The following NIBAN2 variants were observed in gnomAD, a reference collection of about 807,000 sequenced individuals.
NIBAN2 encodes protein Niban 2.
A neutral mutation model predicts 81.8 loss-of-function variants in NIBAN2; 36 were observed. That is an observed-to-expected ratio of 0.44 (90% CI 0.34 to 0.58). NIBAN2 has a LOEUF of 0.58. Among genes scored for constraint, NIBAN2 ranks in the 20% least tolerant of loss-of-function variants. The probability of loss-of-function intolerance (pLI) is 0.02; values close to 1 mark genes in which losing one functional copy is unlikely to be tolerated. For synonymous variants in NIBAN2, 445 were observed against 441.6 expected, an observed-to-expected ratio of 1.01 and a Z score of -0.10; for missense variants, 897 against 1,014.1, an observed-to-expected ratio of 0.88 and a Z score of 1.57.
intron 5 of NIBAN2, 152 bp downstream of exon 5, chr9:127,523,527 A>G: frequency 4.5e-6 from 3 of 665,064 alleles, no homozygotes; most frequent in South Asian, 2.1e-5. Context: ...TAAGGGTGGT[A>G]TTACATGGTT....
chr9:127,572,419 G>A (rs1042504060), upstream of NIBAN2, among the ~76,000 whole-genome samples: 1 of 152,164 alleles, frequency 6.6e-6, no homozygotes, highest in African/African-American at 2.4e-5. Flanking sequence ...CTTCATAGAG[G>A]TTATAGTCTT....
chr9:127,523,896 C>A (rs760238474), intron 4 of NIBAN2, 50 bp from the exon 5 acceptor site: 2 of 1,569,036 alleles, frequency 1.3e-6, no homozygotes, highest in Non-Finnish European at 1.7e-6. Context: ...TTGCCCTCCA[C>A]CAGAGGATGT....
chr9:127,544,867 G>T (rs1037300594), intron 1 of NIBAN2, among the ~76,000 whole-genome samples: 5 of 152,150 alleles, frequency 3.3e-5, no homozygotes, highest in African/African-American at 7.2e-5. Flanking sequence ...CCTCATTCAT[G>T]GGCCAGCCAC....
In NIBAN2 at chr9:127,507,229, G is replaced by A. The variant is rs371977104; in HGVS notation, c.1857C>T (p.Ala619=). Reference sequence around the variant, plus strand: ...CCTGGACCACAGAGACCACCTGCTTGGCGCGCCGTCGCTTTTCCGAGAGGG... The same window carrying A: ...CCTGGACCACAGAGACCACCTGCTTAGCGCGCCGTCGCTTTTCCGAGAGGG... ...SATLSEKRRR[A]KQVVSVVQDE... The change falls in exon 14 of 14, where the codon GCC becomes GCT. Residue 619 remains alanine, a synonymous_variant. Transcript: ENST00000373312. This position sits in a 1 kb window ranked among gnomAD's most constrained non-coding sequence, Gnocchi z 6.8. 141 of 1,611,870 alleles carry A rather than the reference G, an allele frequency of 8.7e-5. 1 individual carries two copies. In the South Asian group the frequency reaches 1.1e-3, roughly 13 times the overall value.
intron 9 of NIBAN2, among the ~76,000 whole-genome samples, chr9:127,509,705 G>A (rs965939619): frequency 1.3e-5 from 2 of 151,514 alleles, no homozygotes; most frequent in Non-Finnish European, 2.9e-5. Flanking sequence ...TCCATTTGGA[G>A]GGCGCGTGAC....
At position 127,551,219 on chromosome 9, in the gene NIBAN2, T is replaced by C. The variant is rs79858125; in HGVS notation, c.55+17601A>G. Among the ~76,000 whole-genome samples the C allele has an allele frequency of 8.0e-3, 1,221 of 152,078 alleles. 17 individuals are homozygous for C. Among genetic ancestry groups the C allele is most frequent in the East Asian group, 0.065 (337 of 5,164 alleles). On this transcript the variant is annotated intron_variant, in intron 1 of 13. Coordinates refer to ENST00000373312, the MANE Select transcript of NIBAN2 (RefSeq NM_022833.4). ...GCCTGGCCAACATAGTGAAACCCCG[T>C]CTCTACTAAAAATACAAAATTGGCA...
chr9:127,521,944 G>A (rs1836951196), intron 5 of NIBAN2, among the ~76,000 whole-genome samples: 1 of 152,194 alleles, frequency 6.6e-6, no homozygotes, highest in African/African-American at 2.4e-5. Context: ...CACACATGGG[G>A]GACTGAGGTG....
At chr9:127,576,470 A>C (rs1202749415) in intron 1 of NIBAN2, among the ~76,000 whole-genome samples, 1 of 152,094 alleles carries the variant, frequency 6.6e-6, no homozygotes, top group Non-Finnish European at 1.5e-5. Flanking sequence ...TAACTTCAGG[A>C]TGATAAAGAT....
chr9:127,545,040 A>C lies in NIBAN2; in HGVS notation c.56-13262T>G, dbSNP rs1837445232. The stretch of plus-strand genomic sequence containing the variant: ...GCTCCTCTGAGACCATCTTGGGGAG[A>C]AACAGGTGAATGGGGCTTTCACACC... On this transcript the variant is annotated intron_variant, in intron 1 of 13. Coordinates refer to ENST00000373312, the MANE Select transcript of NIBAN2 (RefSeq NM_022833.4). This position sits in a 1 kb window ranked among gnomAD's most constrained non-coding sequence, Gnocchi z 4.7. Among the ~76,000 whole-genome samples the C allele has an allele frequency of 6.6e-6, 1 of 152,114 alleles. No individual in the cohort carries two copies. Among genetic ancestry groups the C allele is most frequent in the African/African-American group, 2.4e-5 (1 of 41,408 alleles).
At chr9:127,531,136 C>T (rs976731994) in intron 2 of NIBAN2, among the ~76,000 whole-genome samples, 1 of 150,764 alleles carries the variant, frequency 6.6e-6, no homozygotes, top group Non-Finnish European at 1.5e-5. Flanking sequence ...GGCATGATTG[C>T]GCCACTGCAC....
chr9:127,506,941 G>A lies in NIBAN2; in HGVS notation c.2145C>T (p.Ser715=), dbSNP rs767507604. 5.6e-6 allele frequency: 9 copies of A among 1,609,492 alleles called. No individual in the cohort carries two copies. The highest frequency in any genetic ancestry group is 1.7e-5 in the Admixed American group (1 of 59,424). The change falls in exon 14 of 14, where the codon AGC becomes AGT. Residue 715 remains serine (S), a synonymous_variant. Coordinates refer to ENST00000373312, the MANE Select transcript of NIBAN2 (RefSeq NM_022833.4). ...ACACCTGCTCTCCAGTCTCCTGGTC[G>A]CTGGGCTTGGGGGGCCCAAGGTCCA... The part of the protein sequence containing the change: ...KAVDLGPPKP[S]DQETGEQVSS...
chr9:127,555,845 CTG>C (rs1205174340), intron 1 of NIBAN2, among the ~76,000 whole-genome samples: 2 of 152,224 alleles, frequency 1.3e-5, no homozygotes, highest in Non-Finnish European at 2.9e-5. Flanking sequence ...GGTAGTTGTT[CTG>C]TGTGTCTCCT....
At chr9:127,509,421 CA>C (rs1836685412) in intron 9 of NIBAN2, among the ~76,000 whole-genome samples, 1 of 152,128 alleles carries the variant, frequency 6.6e-6, no homozygotes, top group Non-Finnish European at 1.5e-5. Context: ...TGACCTTGGG[CA>C]AGTCATTCAC....
At position 127,508,632 on chromosome 9, in the gene NIBAN2, C is replaced by A. The variant is rs1293391075; in HGVS notation, c.1318-94G>T. On this transcript the variant is annotated intron_variant, in intron 10 of 13. Transcript: ENST00000373312. The surrounding 1 kb of genome is among the most constrained non-coding windows in gnomAD (Gnocchi z 6.4). ...GGGTCCTCATCCTCAACCAGCCCCC[C>A]ACCCCGAGGCCTGCCAGGGAGGAAT... The A allele has an allele frequency of 5.8e-5, 61 of 1,056,094 alleles. No individual in the cohort carries two copies. The highest frequency in any genetic ancestry group is 2.2e-4 in the Admixed American group (13 of 58,194). 65.4% of individuals were successfully genotyped at this position (1,056,094 alleles called of 1,614,324 possible).
intron 1 of NIBAN2, among the ~76,000 whole-genome samples, chr9:127,549,353 T>C (rs767419025): frequency 6.6e-6 from 1 of 151,082 alleles, no homozygotes; most frequent in East Asian, 2.0e-4. Flanking sequence ...CTCACATGCA[T>C]GCCACACACA....
chr9:127,510,509 T>C (rs895657662), intron 8 of NIBAN2, among the ~76,000 whole-genome samples, 176 bp from the exon 9 acceptor site: 8 of 152,190 alleles, frequency 5.3e-5, no homozygotes, highest in African/African-American at 1.9e-4. Flanking sequence ...CGATCTCAGC[T>C]CACTGCAACC....
rs569301819 is a variant in NIBAN2 at position 127,531,944 on chromosome 9, G to A, written c.56-166C>T. On this transcript the variant is annotated intron_variant, in intron 1 of 13. Coordinates refer to ENST00000373312, the MANE Select transcript of NIBAN2 (RefSeq NM_022833.4). Reference sequence around the variant, plus strand: ...GCTGCATTTCTGGCCAGAGCCCCGCGTTTCCTGTGAAAACCAACTGCCTTG... The same window carrying A: ...GCTGCATTTCTGGCCAGAGCCCCGCATTTCCTGTGAAAACCAACTGCCTTG... Among the ~76,000 whole-genome samples, 4 of 152,360 alleles carry A rather than the reference G, an allele frequency of 2.6e-5. No individual in the cohort carries two copies. In the East Asian group the frequency reaches 5.8e-4, roughly 22 times the overall value.
At chr9:127,561,728 G>C (rs1463292634) in intron 1 of NIBAN2, among the ~76,000 whole-genome samples, 1 of 152,244 alleles carries the variant, frequency 6.6e-6, no homozygotes, top group Non-Finnish European at 1.5e-5. Context: ...CCAGTCCCAG[G>C]GGGTGGACAC....
chr9:127,549,258 G>A (rs556666198), intron 1 of NIBAN2, among the ~76,000 whole-genome samples: 1 of 152,286 alleles, frequency 6.6e-6, no homozygotes, highest in African/African-American at 2.4e-5. Flanking sequence ...CTAAGCCCAA[G>A]TCAGGTTCTT....
Sources: gnomAD v4.1 joint callset for allele counts (sites outside exome capture counted in the v4.1 genomes callset) on GRCh38, gnomAD v4.1.1 for gene constraint, Gnocchi (gnomAD v3.1) non-coding constraint, MANE v1.5 for transcripts, NCBI Gene and HGNC (gene_info 2026-07-23, HGNC 2026-07-21) for gene names.